Variants in PPP1R1C observed in about 807,000 individuals in gnomAD.
The protein encoded by PPP1R1C is protein phosphatase 1 regulatory inhibitor subunit 1C, also known as protein phosphatase 1 regulatory subunit 1C.
Under a neutral mutation model 17.4 loss-of-function variants are expected in PPP1R1C, and 15 were observed. That is an observed-to-expected ratio of 0.86 (90% CI 0.58 to 1.33). The LOEUF is 1.33. Ranked by LOEUF, PPP1R1C falls within the 40% of genes most tolerant of loss-of-function variation. PPP1R1C has a pLI of 0.00. For synonymous variants in PPP1R1C, 35 were observed against 43.1 expected (o/e 0.81, Z 0.73); for missense variants, 143 against 130.0 (o/e 1.10, Z -0.48).
rs1339156835 is a variant in PPP1R1C at position 181,962,796 on chromosome 2, G to A, written n.111+8162G>A. On this transcript the variant is annotated intron_variant and non_coding_transcript_variant, in intron 1 of 5. Transcript: ENST00000464264. The surrounding 1 kb of genome is among the most constrained non-coding windows in gnomAD (Gnocchi z 6.0). ...GTATGAGACTGTGGCTGGAGATAAA[G>A]GAAAGCGGAGCCTGAGCTAACCAGG... Among the ~76,000 whole-genome samples the A allele has an allele frequency of 6.6e-6, 1 of 152,172 alleles. No homozygotes were observed. Among genetic ancestry groups the A allele is most frequent in the African/African-American group, 2.4e-5 (1 of 41,448 alleles).
intron 2 of PPP1R1C, among the ~76,000 whole-genome samples, chr2:182,023,052 G>A (rs1040521522): frequency 6.6e-5 from 10 of 152,132 alleles, no homozygotes; most frequent in African/African-American, 2.4e-4. Flanking sequence ...AAATGGAATA[G>A]CAACTTTGTA....
intron 2 of PPP1R1C, among the ~76,000 whole-genome samples, chr2:182,010,684 C>T (rs1384180154): frequency 6.6e-6 from 1 of 151,972 alleles, no homozygotes; most frequent in Non-Finnish European, 1.5e-5. Context: ...TGAAAGTGGT[C>T]GGCCTTATTG....
intron 1 of PPP1R1C, among the ~76,000 whole-genome samples, chr2:181,959,658 A>G (rs908456895): frequency 6.6e-6 from 1 of 152,210 alleles, no homozygotes; most frequent in Non-Finnish European, 1.5e-5. Context: ...CTGAAAAAAA[A>G]GCCACATTTT....
intron 1 of PPP1R1C, among the ~76,000 whole-genome samples, chr2:181,973,837 A>G (rs1685052502): frequency 6.6e-6 from 1 of 152,162 alleles, no homozygotes; most frequent in Non-Finnish European, 1.5e-5. Context: ...GAAACTTTCA[A>G]ATTATATTTA....
At chr2:182,089,580 T>C (rs955494417) in intron 4 of PPP1R1C, among the ~76,000 whole-genome samples, 4 of 152,198 alleles carry the variant, frequency 2.6e-5, no homozygotes, top group African/African-American at 7.2e-5. Context: ...ATTTAACTTC[T>C]TTATCTTTTT....
downstream of PPP1R1C, among the ~76,000 whole-genome samples, chr2:182,118,952 A>AT (rs1425833154): frequency 6.6e-6 from 1 of 151,108 alleles, no homozygotes; most frequent in Non-Finnish European, 1.5e-5. Context: ...TGTGCACAAC[A>AT]TGCAGGTTTG....
intron 2 of PPP1R1C, among the ~76,000 whole-genome samples, chr2:182,057,323 G>A (rs559019919): frequency 8.5e-5 from 13 of 152,280 alleles, no homozygotes; most frequent in South Asian, 8.3e-4. Flanking sequence ...GTGGGTGTTG[G>A]TTGGGGAAGA....
intron 2 of PPP1R1C, among the ~76,000 whole-genome samples, chr2:182,031,475 TACTTA>T (rs1369670096): frequency 9.2e-5 from 14 of 152,246 alleles, no homozygotes; most frequent in South Asian, 2.1e-4. Context: ...TTAAATCATT[TACTTA>T]ACTTAGTTAT....
intron 1 of PPP1R1C, among the ~76,000 whole-genome samples, chr2:181,971,325 G>A (rs528260433): frequency 1.3e-5 from 2 of 152,208 alleles, no homozygotes; most frequent in African/African-American, 2.4e-5. Context: ...TCAAGGCAGC[G>A]AGTTTCCTTT....
intron 4 of PPP1R1C, among the ~76,000 whole-genome samples, chr2:182,073,012 G>A (rs530969932): frequency 3.9e-5 from 6 of 152,198 alleles, no homozygotes; most frequent in Admixed American, 2.0e-4. Flanking sequence ...CCTTGCCTCC[G>A]GCCACAGCCT....
chr2:182,036,685 GTCTC>G (rs924048841), intron 2 of PPP1R1C, among the ~76,000 whole-genome samples: 5 of 151,600 alleles, frequency 3.3e-5, no homozygotes, highest in South Asian at 2.1e-4. Context: ...CATTCTCTCT[GTCTC>G]TCTCTCTATG....
chr2:182,080,110 G>T (rs985981764), intron 4 of PPP1R1C, among the ~76,000 whole-genome samples: 3 of 152,208 alleles, frequency 2.0e-5, no homozygotes, highest in Non-Finnish European at 4.4e-5. Context: ...TATACATAAA[G>T]CACTAGAACA....
intron 4 of PPP1R1C, among the ~76,000 whole-genome samples, chr2:182,067,856 A>G (rs1688031580): frequency 6.6e-6 from 1 of 152,130 alleles, no homozygotes. Flanking sequence ...AGAGTTTATT[A>G]GTTTCGGACA....
chr2:182,111,672 C>T (rs1024543771), intron 4 of PPP1R1C, among the ~76,000 whole-genome samples: 1 of 151,294 alleles, frequency 6.6e-6, no homozygotes, highest in Non-Finnish European at 1.5e-5. Context: ...ACTGAGGGGC[C>T]TTTCTGTTTT....
chr2:181,963,183 G>A (rs1559038906), intron 1 of PPP1R1C, among the ~76,000 whole-genome samples: 2 of 152,102 alleles, frequency 1.3e-5, no homozygotes, highest in East Asian at 1.9e-4. Flanking sequence ...ATTATAAATA[G>A]CAACCCCCAA....
intron 4 of PPP1R1C, among the ~76,000 whole-genome samples, chr2:182,092,883 T>C (rs1303682974): frequency 2.0e-5 from 3 of 152,154 alleles, no homozygotes; most frequent in Admixed American, 1.3e-4. Context: ...CAGGCTGGCA[T>C]TGAGTATCTG....
intron 1 of PPP1R1C, among the ~76,000 whole-genome samples, chr2:181,970,548 C>T (rs762035029): frequency 1.3e-5 from 2 of 152,178 alleles, no homozygotes; most frequent in African/African-American, 4.8e-5. Flanking sequence ...TAGGTCTTGA[C>T]CAAAGTCCAT....
At chr2:182,101,960 T>A (rs568270028) in intron 4 of PPP1R1C, among the ~76,000 whole-genome samples, 2 of 152,102 alleles carry the variant, frequency 1.3e-5, no homozygotes, top group East Asian at 3.9e-4. Context: ...CCAAGGGGGG[T>A]TTCTCACCAC....
At chr2:182,002,779 C>G (rs929771683) in intron 2 of PPP1R1C, among the ~76,000 whole-genome samples, 2 of 151,664 alleles carry the variant, frequency 1.3e-5, no homozygotes, top group African/African-American at 4.8e-5. Flanking sequence ...ATTCTAATAC[C>G]CTCATGAAAT....
Sources: gnomAD v4.1 joint callset for allele counts (sites outside exome capture counted in the v4.1 genomes callset) on GRCh38, gnomAD v4.1.1 for gene constraint, Gnocchi (gnomAD v3.1) non-coding constraint, MANE v1.5 for transcripts, NCBI Gene and HGNC (gene_info 2026-07-23, HGNC 2026-07-21) for gene names.